Variants in GDI2 observed in about 807,000 individuals in gnomAD.
GDI2 encodes rab GDP dissociation inhibitor beta.
GDI2 carries 22 observed loss-of-function variants against 54.2 expected under a neutral mutation model. The observed-to-expected ratio is 0.41, with a 90% CI of 0.29 to 0.58. The LOEUF (loss-of-function observed/expected upper bound fraction) is 0.58. Ranked by LOEUF, GDI2 falls within the 20% of genes least tolerant of loss-of-function variation. GDI2 has a pLI of 0.35. For synonymous variants in GDI2, 177 were observed against 182.1 expected (o/e 0.97, Z 0.23); for missense variants, 422 against 546.0 (o/e 0.77, Z 2.26).
intron 6 of GDI2, among the ~76,000 whole-genome samples, chr10:5,780,220 A>C (rs773494149): frequency 1.3e-4 from 9 of 69,026 alleles, no homozygotes; most frequent in Middle Eastern, 7.0e-3. Context: ...AAAAAAAAAA[A>C]CAAACAAACA....
intron 4 of GDI2, among the ~76,000 whole-genome samples, chr10:5,792,179 T>A (rs1201919213): frequency 2.0e-5 from 3 of 152,202 alleles, no homozygotes; most frequent in Non-Finnish European, 2.9e-5. Flanking sequence ...TTCTTGTGGT[T>A]AAGAGTGTGG....
chr10:5,787,963 A>G (rs776733243), intron 4 of GDI2, among the ~76,000 whole-genome samples: 1 of 152,218 alleles, frequency 6.6e-6, no homozygotes, highest in Non-Finnish European at 1.5e-5. Flanking sequence ...GAGGGATAGA[A>G]ATCAGTGCCA....
intron 1 of GDI2, 36 bp downstream of exon 1, chr10:5,813,178 G>A (rs1297589641): frequency 6.4e-6 from 9 of 1,417,264 alleles, no homozygotes; most frequent in African/African-American, 4.4e-5. Context: ...GCCCGCCCCG[G>A]CTGCTCAGCC....
rs1420651942 is a variant in GDI2 at position 5,776,977 on chromosome 10, G to C, written c.720-3036C>G. On this transcript the variant is annotated intron_variant, in intron 6 of 10. Coordinates refer to ENST00000380191, the MANE Select transcript of GDI2 (RefSeq NM_001494.4). This position sits in a 1 kb window ranked among gnomAD's most constrained non-coding sequence, Gnocchi z 5.3. ...GGTAATCCCGGAAATGCTTCATCTG[G>C]CAGACTGTGGGAGAAGAGGCATTGC... The C allele has an allele frequency of 1.8e-5, 9 of 511,044 alleles. No homozygotes were observed. The Admixed American group carries it at 3.3e-4, about 19-fold the overall frequency. 31.7% of individuals were successfully genotyped at this position (511,044 alleles called of 1,614,324 possible).
rs1462786763 is a variant in GDI2 at position 5,776,634 on chromosome 10, T to C, written c.720-2693A>G. 8.0e-6 allele frequency: 12 copies of C among 1,494,490 alleles called. No homozygotes were observed. The African/African-American group carries it at 1.1e-4, about 14-fold the overall frequency. The allele number at this position is 1,494,490 out of a possible 1,614,324, so 92.6% of individuals were successfully genotyped here. A position where few individuals can be genotyped will look rare whatever the true frequency, so the allele number is the denominator to read the frequency against. ...AAGGGCAGACTTCTAAATGGTCCAATAGAAAAGGAGCTGGATGTAGATGCT... is the reference window on the plus strand; with the variant it reads ...AAGGGCAGACTTCTAAATGGTCCAACAGAAAAGGAGCTGGATGTAGATGCT... On this transcript the variant is annotated intron_variant, in intron 6 of 10. Transcript: ENST00000380191. This position sits in a 1 kb window ranked among gnomAD's most constrained non-coding sequence, Gnocchi z 5.3.
At chr10:5,796,136 T>C (rs1410793079) in intron 3 of GDI2, among the ~76,000 whole-genome samples, 2 of 151,932 alleles carry the variant, frequency 1.3e-5, no homozygotes, top group Non-Finnish European at 1.5e-5. Flanking sequence ...GGTCACTTGA[T>C]GTCAGGAGTT....
At chr10:5,791,347 C>A (rs181427692) in intron 4 of GDI2, among the ~76,000 whole-genome samples, 1 of 152,120 alleles carries the variant, frequency 6.6e-6, no homozygotes, top group African/African-American at 2.4e-5. Context: ...CAGTGGCTCA[C>A]ACCTGTAACC....
At chr10:5,799,574 C>G (rs1223679174) in intron 2 of GDI2, among the ~76,000 whole-genome samples, 1 of 152,192 alleles carries the variant, frequency 6.6e-6, no homozygotes, top group East Asian at 1.9e-4. Context: ...ATCACCTGAA[C>G]CCAGAAGGTG....
chr10:5,769,852 C>T lies in GDI2; in HGVS notation c.820-1468G>A, dbSNP rs185823189. On this transcript the variant is annotated intron_variant, in intron 7 of 10. Transcript: ENST00000380191. Reference sequence around the variant, plus strand: ...TCTCAAACATTAAAAACAGAATTACCATATGATCTAGCAATTCCACTTCTG... The same window carrying T: ...TCTCAAACATTAAAAACAGAATTACTATATGATCTAGCAATTCCACTTCTG... 5.2e-4 allele frequency among the ~76,000 whole-genome samples: 79 copies of T among 152,296 alleles called. No homozygotes were observed. In the South Asian group the frequency reaches 0.016, roughly 31 times the overall value.
Position 5,776,345 on chromosome 10 carries a change from T to C in GDI2, c.720-2404A>G. Reference sequence around the variant, plus strand: ...CATCTCACAAACCCTCTGCTGAGGATGCAGAGAGCCAGAGCCCCCTTTCTC... The same window carrying C: ...CATCTCACAAACCCTCTGCTGAGGACGCAGAGAGCCAGAGCCCCCTTTCTC... On this transcript the variant is annotated intron_variant, in intron 6 of 10. Coordinates refer to ENST00000380191, the MANE Select transcript of GDI2 (RefSeq NM_001494.4). This position sits in a 1 kb window ranked among gnomAD's most constrained non-coding sequence, Gnocchi z 5.3. 4.6e-6 allele frequency: 3 copies of C among 656,144 alleles called. No individual in the cohort carries two copies. The highest frequency in any genetic ancestry group is 5.5e-5 in the East Asian group (2 of 36,450). 40.6% of individuals were successfully genotyped at this position (656,144 alleles called of 1,614,324 possible).
intron 4 of GDI2, among the ~76,000 whole-genome samples, chr10:5,788,879 AAGC>A (rs1840940374): frequency 6.6e-6 from 1 of 151,860 alleles, no homozygotes; most frequent in Non-Finnish European, 1.5e-5. Context: ...ACTCCCACCT[AAGC>A]ATCCCGAGTA....
chr10:5,810,789 C>A (rs1841467036), intron 1 of GDI2, among the ~76,000 whole-genome samples: 1 of 152,184 alleles, frequency 6.6e-6, no homozygotes, highest in Non-Finnish European at 1.5e-5. Context: ...ATTTCTTTTA[C>A]ACACAGAATG....
intron 1 of GDI2, among the ~76,000 whole-genome samples, chr10:5,806,793 G>T (rs1841388707): frequency 6.6e-6 from 1 of 152,196 alleles, no homozygotes; most frequent in African/African-American, 2.4e-5. Flanking sequence ...AATAAGTTAT[G>T]ACACAGCAGA....
chr10:5,806,193 CTTT>C, intron 1 of GDI2, among the ~76,000 whole-genome samples: 1 of 152,280 alleles, frequency 6.6e-6, no homozygotes, highest in East Asian at 1.9e-4. Context: ...ACACTGTTGC[CTTT>C]TTAATTTTAG....
intron 1 of GDI2, among the ~76,000 whole-genome samples, chr10:5,809,266 C>CAAAAAAAAAAAA: frequency 9.9e-6 from 1 of 101,398 alleles, no homozygotes; most frequent in East Asian, 3.2e-4. Flanking sequence ...AAAAAAAAAA[C>CAAAAAAAAAAAA]TGTCAAAAGA....
chr10:5,767,935 C>T (rs1168854660), intron 8 of GDI2, among the ~76,000 whole-genome samples: 1 of 152,202 alleles, frequency 6.6e-6, no homozygotes, highest in African/African-American at 2.4e-5. Context: ...TCCACAGGAA[C>T]CTACTGTTAG....
intron 4 of GDI2, among the ~76,000 whole-genome samples, 173 bp downstream of exon 4, chr10:5,794,712 T>A (rs1397176848): frequency 6.6e-6 from 1 of 152,188 alleles, no homozygotes; most frequent in Admixed American, 6.6e-5. Flanking sequence ...GGTAGGAATT[T>A]TTGAACATTT....
intron 6 of GDI2, among the ~76,000 whole-genome samples, chr10:5,782,512 G>A (rs987238307): frequency 1.3e-5 from 2 of 152,086 alleles, no homozygotes; most frequent in Admixed American, 1.3e-4. Context: ...CACAGAAAGT[G>A]TTTTACATAA....
chr10:5,774,366 CG>C lies in GDI2; in HGVS notation c.720-426del, dbSNP rs1200804971. Reference sequence around the variant, plus strand: ...AGACCCGTACGGATTCATCTCAGCACGGTAACATATTTTGGTGCCTGTGACT... The same window carrying C: ...AGACCCGTACGGATTCATCTCAGCACGTAACATATTTTGGTGCCTGTGACT... On this transcript the variant is annotated intron_variant, in intron 6 of 10. Transcript: ENST00000380191. This position sits in a 1 kb window ranked among gnomAD's most constrained non-coding sequence, Gnocchi z 4.8. 6.6e-6 allele frequency among the ~76,000 whole-genome samples: 1 copy of C among 152,144 alleles called. No homozygotes were observed. The highest frequency in any genetic ancestry group is 1.5e-5 in the Non-Finnish European group (1 of 68,026).
Sources: allele counts gnomAD v4.1 joint callset (sites outside exome capture counted in the v4.1 genomes callset), GRCh38; gene constraint gnomAD v4.1.1; non-coding constraint Gnocchi (gnomAD v3.1); transcripts MANE v1.5; gene names NCBI Gene and HGNC (gene_info 2026-07-23, HGNC 2026-07-21).